The following SLC4A10 variants were observed in gnomAD, a reference collection of about 807,000 sequenced individuals.
SLC4A10 encodes the protein sodium-driven chloride bicarbonate exchanger.
In SLC4A10, 42 loss-of-function variants were observed where a neutral mutation model predicts 137.7. The observed-to-expected ratio is 0.30, with a 90% CI of 0.24 to 0.39. The LOEUF is 0.39. Ranked by LOEUF, SLC4A10 falls within the 10% of genes least tolerant of loss-of-function variation. The pLI, the probability that SLC4A10 is intolerant of heterozygous loss-of-function variation, is 1.00. For synonymous variants in SLC4A10, 474 were observed against 464.1 expected, an observed-to-expected ratio of 1.02 and a Z score of -0.27; for missense variants, 925 against 1,355.0, an observed-to-expected ratio of 0.68 and a Z score of 4.98.
chr2:161,710,036 T>G (rs2044111287), intron 1 of SLC4A10: 1 of 151,586 alleles, frequency 6.6e-6, no homozygotes, highest in African/African-American at 2.4e-5. Context: ...ATGAATATAT[T>G]TAAGGAAGTC....
chr2:161,982,265 G>C (rs1558958), intron 26 of SLC4A10, among the ~76,000 whole-genome samples: 26,856 of 152,116 alleles, frequency 0.18, 2,490 homozygotes, highest in Middle Eastern at 0.25. Context: ...CAGATGAGGA[G>C]GGTTTTGCTG....
chr2:161,796,923 A>G (rs762550491), intron 2 of SLC4A10, among the ~76,000 whole-genome samples: 5 of 152,022 alleles, frequency 3.3e-5, no homozygotes, highest in African/African-American at 4.8e-5. Context: ...TTAGTTTTAC[A>G]TTTTTTTGTT....
chr2:161,890,383 G>T (rs1157795555), intron 10 of SLC4A10, among the ~76,000 whole-genome samples: 1 of 152,136 alleles, frequency 6.6e-6, no homozygotes, highest in Non-Finnish European at 1.5e-5. Flanking sequence ...AATATTGACA[G>T]TAGGGTGTTA....
intron 1 of SLC4A10, among the ~76,000 whole-genome samples, chr2:161,758,849 G>A (rs1167987971): frequency 1.3e-5 from 2 of 151,826 alleles, no homozygotes; most frequent in Admixed American, 1.3e-4. Flanking sequence ...CTGATATTTG[G>A]GAGCATTACA....
chr2:161,906,030 A>G, intron 15 of SLC4A10, 143 bp downstream of exon 15: 1 of 1,106,680 alleles, frequency 9.0e-7, no homozygotes, highest in Non-Finnish European at 1.2e-6. Flanking sequence ...AGAGTCGAAC[A>G]GGATTTTAAA....
chr2:161,911,249 T>C (rs1433561215), intron 15 of SLC4A10, among the ~76,000 whole-genome samples: 2 of 151,922 alleles, frequency 1.3e-5, no homozygotes, highest in African/African-American at 4.8e-5. Flanking sequence ...TAGCTAGAAG[T>C]TTGGGATAAA....
chr2:161,789,012 G>A (rs1035863843), intron 2 of SLC4A10, among the ~76,000 whole-genome samples: 1 of 152,182 alleles, frequency 6.6e-6, no homozygotes, highest in African/African-American at 2.4e-5. Context: ...AGTCAGAAGG[G>A]GTTCTGAGGT....
chr2:161,817,164 T>C (rs1281660388), intron 3 of SLC4A10, among the ~76,000 whole-genome samples: 1 of 152,230 alleles, frequency 6.6e-6, no homozygotes, highest in African/African-American at 2.4e-5. Context: ...TTTTTAATGA[T>C]TGCCATTCTA....
intron 4 of SLC4A10, 141 bp from the exon 5 acceptor site, chr2:161,854,829 G>A (rs2060013023): frequency 1.4e-6 from 1 of 693,342 alleles, no homozygotes; most frequent in Non-Finnish European, 2.1e-6. Context: ...AAATGGCTTA[G>A]ACTAGCTTTT....
At chr2:161,828,127 T>C (rs2058147887) in intron 3 of SLC4A10, among the ~76,000 whole-genome samples, 1 of 152,222 alleles carries the variant, frequency 6.6e-6, no homozygotes, top group Non-Finnish European at 1.5e-5. Flanking sequence ...TTCCCTTTAA[T>C]GAGATATTCT....
chr2:161,656,276 G>A (rs1328820323), intron 1 of SLC4A10, among the ~76,000 whole-genome samples: 1 of 152,118 alleles, frequency 6.6e-6, no homozygotes, highest in Non-Finnish European at 1.5e-5. Context: ...GACAAAATTT[G>A]ACACCTTTTT....
chr2:161,807,170 T>C (rs1474196704), intron 3 of SLC4A10, among the ~76,000 whole-genome samples: 1 of 152,140 alleles, frequency 6.6e-6, no homozygotes, highest in Non-Finnish European at 1.5e-5. Context: ...CCCCCCATGA[T>C]TCAATTACCT....
At chr2:161,770,013 C>T (rs2125413201) in intron 1 of SLC4A10, among the ~76,000 whole-genome samples, 1 of 151,920 alleles carries the variant, frequency 6.6e-6, no homozygotes, top group Middle Eastern at 3.4e-3. Context: ...TCAACATACT[C>T]TGGCTTTCAA....
At chr2:161,973,750 C>T (rs1698944399) in intron 23 of SLC4A10, among the ~76,000 whole-genome samples, 1 of 152,090 alleles carries the variant, frequency 6.6e-6, no homozygotes, top group South Asian at 2.1e-4. Flanking sequence ...AATTCTTATG[C>T]CCACTCTACT....
intron 1 of SLC4A10, among the ~76,000 whole-genome samples, chr2:161,762,326 G>A (rs1277520348): frequency 6.6e-6 from 1 of 152,052 alleles, no homozygotes; most frequent in Non-Finnish European, 1.5e-5. Flanking sequence ...AATATATGTG[G>A]TGAAATTAAA....
At chr2:161,785,348 G>T (rs1241779957) in intron 2 of SLC4A10, among the ~76,000 whole-genome samples, 1 of 151,674 alleles carries the variant, frequency 6.6e-6, no homozygotes, top group Non-Finnish European at 1.5e-5. Context: ...TTGAAGAAGA[G>T]GAAATACCTC....
chr2:161,819,406 A>T (rs76663307), intron 3 of SLC4A10, among the ~76,000 whole-genome samples: 5,262 of 152,172 alleles, frequency 0.035, 303 homozygotes, highest in African/African-American at 0.12. Context: ...AAATATAATA[A>T]ATATATTAAT....
rs1217530543 is a variant in SLC4A10, at chr2:161,899,104, TG to T, written c.1342-1806del. Among the ~76,000 whole-genome samples the T allele has an allele frequency of 4.6e-5, 7 of 152,230 alleles. No individual in the cohort carries two copies. In the East Asian group the frequency reaches 1.4e-3, roughly 29 times the overall value. The stretch of plus-strand genomic sequence containing the variant: ...CTGCCTTCCTGTTCATTACTATTGA[TG>T]AAATAGCCAAAGTCAGCCTTCTACT... On this transcript the variant is annotated intron_variant, in intron 11 of 26. Coordinates refer to ENST00000446997, the MANE Select transcript of SLC4A10 (RefSeq NM_001178015.2).
At chr2:161,658,418 T>C (rs2037840242) in intron 1 of SLC4A10, among the ~76,000 whole-genome samples, 1 of 152,104 alleles carries the variant, frequency 6.6e-6, no homozygotes, top group African/African-American at 2.4e-5. Flanking sequence ...TTGAAACAAA[T>C]CTGGCGTTCA....
Sources: allele counts gnomAD v4.1 joint callset (sites outside exome capture counted in the v4.1 genomes callset), GRCh38; gene constraint gnomAD v4.1.1; transcripts MANE v1.5; gene names NCBI Gene and HGNC (gene_info 2026-07-23, HGNC 2026-07-21).